The following SNTG1 variants were observed in gnomAD, a reference collection of about 807,000 sequenced individuals.
SNTG1 encodes the protein gamma-1-syntrophin.
A neutral mutation model predicts 74.7 loss-of-function variants in SNTG1; 39 were observed. That is an observed-to-expected ratio of 0.52 (90% CI 0.40 to 0.68). The LOEUF is 0.68. Among genes scored for constraint, SNTG1 ranks in the 30% least tolerant of loss-of-function variants. The pLI, the probability that SNTG1 is intolerant of heterozygous loss-of-function variation, is 0.00. For synonymous variants in SNTG1, 254 were observed against 217.1 expected (o/e 1.17, Z -1.49); for missense variants, 685 against 609.5 (o/e 1.12, Z -1.30).
At chr8:50,631,565 CA>C (rs1389176886) in intron 13 of SNTG1, among the ~76,000 whole-genome samples, 3 of 152,192 alleles carry the variant, frequency 2.0e-5, no homozygotes, top group African/African-American at 7.2e-5. Context: ...GGGGTGATCA[CA>C]TGTTATATAG....
intron 2 of SNTG1, among the ~76,000 whole-genome samples, chr8:50,263,424 A>C (rs941546717): frequency 2.6e-5 from 4 of 152,134 alleles, no homozygotes; most frequent in Non-Finnish European, 5.9e-5. Flanking sequence ...AAGGTAATAA[A>C]AAAGCAGATA....
At chr8:50,570,193 C>T (rs2094538859) in intron 12 of SNTG1, among the ~76,000 whole-genome samples, 1 of 129,790 alleles carries the variant, frequency 7.7e-6, no homozygotes, top group Admixed American at 7.9e-5. Context: ...TATATACTCA[C>T]TAATGAGATT....
chr8:50,042,891 G>T (rs771801865), intron 1 of SNTG1, among the ~76,000 whole-genome samples: 1 of 152,190 alleles, frequency 6.6e-6, no homozygotes, highest in Admixed American at 6.5e-5. Context: ...GCTATGGCTC[G>T]TTGCCAATTT....
chr8:50,695,179 A>C (rs2095399634), intron 15 of SNTG1, among the ~76,000 whole-genome samples: 1 of 151,620 alleles, frequency 6.6e-6, no homozygotes, highest in Admixed American at 6.6e-5. Context: ...CTTATATGTA[A>C]AAAAAAACCC....
intron 9 of SNTG1, among the ~76,000 whole-genome samples, chr8:50,508,383 G>A (rs1320004865): frequency 2.0e-5 from 3 of 152,078 alleles, no homozygotes; most frequent in Admixed American, 6.6e-5. Context: ...ATAAACATAC[G>A]TGTGCATGTG....
intron 2 of SNTG1, among the ~76,000 whole-genome samples, chr8:50,175,926 T>C (rs991293874): frequency 1.3e-5 from 2 of 152,150 alleles, no homozygotes; most frequent in African/African-American, 4.8e-5. Context: ...TGGCTTCACA[T>C]TGGAATTGAA....
chr8:50,187,818 A>G (rs2083437482), intron 2 of SNTG1, among the ~76,000 whole-genome samples: 1 of 152,184 alleles, frequency 6.6e-6, no homozygotes, highest in South Asian at 2.1e-4. Flanking sequence ...TGTAGTAAGT[A>G]TTCCACTATG....
chr8:50,496,624 G>A (rs2093906924), intron 8 of SNTG1, among the ~76,000 whole-genome samples: 1 of 152,094 alleles, frequency 6.6e-6, no homozygotes, highest in Non-Finnish European at 1.5e-5. Context: ...TTCAGTTCAT[G>A]AACTGAGTCA....
chr8:50,778,013 C>T (rs2095646292), intron 18 of SNTG1, among the ~76,000 whole-genome samples: 1 of 152,074 alleles, frequency 6.6e-6, no homozygotes, highest in African/African-American at 2.4e-5. Context: ...TCATCCATGT[C>T]CCTACAAAGG....
intron 13 of SNTG1, among the ~76,000 whole-genome samples, chr8:50,641,341 CGGA>C (rs1563682199): frequency 6.6e-6 from 1 of 152,106 alleles, no homozygotes; most frequent in Non-Finnish European, 1.5e-5. Context: ...TTGAAGCAAT[CGGA>C]GGAGAACTGA....
intron 13 of SNTG1, among the ~76,000 whole-genome samples, chr8:50,613,589 A>C (rs1022768436): frequency 1.3e-5 from 2 of 152,190 alleles, no homozygotes; most frequent in African/African-American, 2.4e-5. Flanking sequence ...CATCATTTAC[A>C]TTTAATTAAT....
intron 1 of SNTG1, among the ~76,000 whole-genome samples, chr8:50,171,244 T>C (rs530486312): frequency 1.3e-5 from 2 of 152,212 alleles, no homozygotes; most frequent in East Asian, 3.9e-4. Context: ...TCCTTTTACA[T>C]ATATATAATG....
chr8:50,450,573 C>CT lies in SNTG1; in HGVS notation c.300dup (p.Ile101TyrfsTer12). ...ATTCACAGCGGAACTTTCAGGACTA[C>CT]TTTTTATTGGAGATGCAATTCTACA... On this transcript the variant is annotated frameshift_variant, in exon 7 of 19. Transcript: ENST00000642720. LOFTEE classifies it high-confidence loss of function. 6.2e-7 allele frequency: 1 copy of CT among 1,613,412 alleles called. No homozygotes were observed. The highest frequency in any genetic ancestry group is 8.5e-7 in the Non-Finnish European group (1 of 1,179,740).
Position 50,511,973 on chromosome 8 carries a change from T to G in SNTG1, c.466+9093T>G, listed in dbSNP as rs1479435720. Among the ~76,000 whole-genome samples the G allele has an allele frequency of 5.9e-5, 9 of 152,144 alleles. 1 individual carries two copies. Among genetic ancestry groups the G allele is most frequent in the Admixed American group, 2.0e-4 (3 of 15,270 alleles). On this transcript the variant is annotated intron_variant, in intron 9 of 18. Transcript: ENST00000642720. Reference sequence around the variant, plus strand: ...TCCTGTCATTATGATGTTAGCTGGTTATTTTGCTCGTTAGTTGATGCAGTT... The same window carrying G: ...TCCTGTCATTATGATGTTAGCTGGTGATTTTGCTCGTTAGTTGATGCAGTT...
At chr8:49,963,651 G>A (rs1419016368) in intron 1 of SNTG1, among the ~76,000 whole-genome samples, 1 of 152,114 alleles carries the variant, frequency 6.6e-6, no homozygotes, top group Non-Finnish European at 1.5e-5. Flanking sequence ...TCAGTCCAGT[G>A]CTAACAGGTT....
chr8:50,774,142 G>C (rs764083629), intron 18 of SNTG1, among the ~76,000 whole-genome samples: 5 of 151,820 alleles, frequency 3.3e-5, no homozygotes, highest in Non-Finnish European at 4.4e-5. Flanking sequence ...AACAGCATAA[G>C]TTATACTGTC....
chr8:50,238,558 A>G (rs186339077), intron 2 of SNTG1, among the ~76,000 whole-genome samples: 1 of 152,274 alleles, frequency 6.6e-6, no homozygotes, highest in East Asian at 1.9e-4. Flanking sequence ...GACCTAGGAT[A>G]TATCATTCTG....
intron 2 of SNTG1, among the ~76,000 whole-genome samples, chr8:50,222,347 G>A (rs1194893299): frequency 6.6e-6 from 1 of 152,110 alleles, no homozygotes. Context: ...TAGTTAGATT[G>A]GCCCAAGTCC....
chr8:50,018,299 T>A (rs1816516788), intron 1 of SNTG1, among the ~76,000 whole-genome samples: 1 of 152,038 alleles, frequency 6.6e-6, no homozygotes, highest in Non-Finnish European at 1.5e-5. Context: ...ACTGAGGTAT[T>A]GGCATATGGA....
Sources: allele counts gnomAD v4.1 joint callset (sites outside exome capture counted in the v4.1 genomes callset), GRCh38; gene constraint gnomAD v4.1.1; transcripts MANE v1.5; gene names NCBI Gene and HGNC (gene_info 2026-07-23, HGNC 2026-07-21).